The following ARHGAP15 variants were observed in gnomAD, a reference collection of about 807,000 sequenced individuals.
ARHGAP15 encodes the protein Rho GTPase activating protein 15.
Under a neutral mutation model 63.7 loss-of-function variants are expected in ARHGAP15, and 51 were observed. The ratio of observed to expected loss-of-function variants is 0.80; its 90% confidence interval spans 0.64 to 1.01. ARHGAP15 has a LOEUF of 1.01. ARHGAP15 is among the 50% of genes least tolerant of loss of function. The pLI, the probability that ARHGAP15 is intolerant of heterozygous loss-of-function variation, is 0.00. For synonymous variants in ARHGAP15, 191 were observed against 193.8 expected, an observed-to-expected ratio of 0.99 and a Z score of 0.12; for missense variants, 560 against 564.6, an observed-to-expected ratio of 0.99 and a Z score of 0.08.
At chr2:143,265,240 A>G (rs919647418) in intron 6 of ARHGAP15, among the ~76,000 whole-genome samples, 2 of 150,892 alleles carry the variant, frequency 1.3e-5, no homozygotes, top group Non-Finnish European at 3.0e-5. Context: ...TTTTTTTAAT[A>G]GAACGACCCA....
chr2:143,762,609 C>G (rs1416362690), intron 13 of ARHGAP15, among the ~76,000 whole-genome samples: 1 of 152,122 alleles, frequency 6.6e-6, no homozygotes, highest in Non-Finnish European at 1.5e-5. Flanking sequence ...AACAGCATTT[C>G]TTCATATACA....
chr2:143,159,673 T>C lies in ARHGAP15; in HGVS notation c.165+4018T>C, dbSNP rs1270123180. On this transcript the variant is annotated intron_variant, in intron 2 of 13. Coordinates refer to ENST00000295095, the MANE Select transcript of ARHGAP15 (RefSeq NM_018460.4). ...GTGAAAACCATTGATCAGGCAGGCA[T>C]GTGTAACAGTAACACTTTGCATTTA... Among the ~76,000 whole-genome samples, 4 of 152,082 alleles carry C rather than the reference T, an allele frequency of 2.6e-5. No homozygotes were observed. The East Asian group carries it at 7.8e-4, about 30-fold the overall frequency.
At chr2:143,375,555 A>T (rs1686770122) in intron 6 of ARHGAP15, among the ~76,000 whole-genome samples, 1 of 152,236 alleles carries the variant, frequency 6.6e-6, no homozygotes, top group South Asian at 2.1e-4. Flanking sequence ...ACTAGGTGTT[A>T]GAACAACAGT....
At chr2:143,417,831 T>A (rs1157011369) in intron 6 of ARHGAP15, among the ~76,000 whole-genome samples, 1 of 152,218 alleles carries the variant, frequency 6.6e-6, no homozygotes. Context: ...GAGAATGCCA[T>A]ATGATATATC....
chr2:143,441,184 A>G (rs1254724837), intron 8 of ARHGAP15, among the ~76,000 whole-genome samples: 2 of 152,094 alleles, frequency 1.3e-5, no homozygotes, highest in East Asian at 3.9e-4. Context: ...AGACTGGAGC[A>G]GGGCATATAA....
intron 1 of ARHGAP15, among the ~76,000 whole-genome samples, chr2:143,136,035 C>G (rs1246417335): frequency 6.6e-6 from 1 of 152,122 alleles, no homozygotes; most frequent in Non-Finnish European, 1.5e-5. Context: ...AAGCAAATCT[C>G]CTAATTACTG....
chr2:143,272,646 C>T lies in ARHGAP15; in HGVS notation c.474+22046C>T, dbSNP rs61034179. Among the ~76,000 whole-genome samples the T allele has an allele frequency of 3.1e-3, 478 of 151,836 alleles. 5 individuals carry two copies. The highest frequency in any genetic ancestry group is 0.011 in the African/African-American group (449 of 41,426). ...CCAGCCTGGCAACAGAATGAGACTG[C>T]GTCGCAAAAAAAATAAAAAAATTCT... On this transcript the variant is annotated intron_variant, in intron 6 of 13. Coordinates refer to ENST00000295095, the MANE Select transcript of ARHGAP15 (RefSeq NM_018460.4).
intron 2 of ARHGAP15, among the ~76,000 whole-genome samples, chr2:143,166,434 C>T: frequency 6.6e-6 from 1 of 152,026 alleles, no homozygotes; most frequent in East Asian, 1.9e-4. Flanking sequence ...TTTTTATTGG[C>T]ACTAACAGTA....
intron 11 of ARHGAP15, among the ~76,000 whole-genome samples, chr2:143,596,618 G>A (rs1177711687): frequency 6.6e-6 from 1 of 152,042 alleles, no homozygotes; most frequent in East Asian, 1.9e-4. Flanking sequence ...CTGAAAGTAA[G>A]TTATTTATAT....
intron 12 of ARHGAP15, among the ~76,000 whole-genome samples, chr2:143,665,700 G>A (rs1374683912): frequency 6.8e-6 from 1 of 146,886 alleles, no homozygotes; most frequent in Admixed American, 6.8e-5. Flanking sequence ...TCCTTAAGCT[G>A]ATAAGCAACT....
chr2:143,436,025 C>T (rs1689598532), intron 7 of ARHGAP15, among the ~76,000 whole-genome samples: 1 of 151,794 alleles, frequency 6.6e-6, no homozygotes, highest in Admixed American at 6.6e-5. Context: ...TTATGCAGTC[C>T]ATACTACATA....
intron 13 of ARHGAP15, among the ~76,000 whole-genome samples, chr2:143,722,082 CTTTAG>C (rs1183243088): frequency 2.0e-5 from 3 of 152,044 alleles, no homozygotes; most frequent in African/African-American, 4.8e-5. Flanking sequence ...AATTTGTATT[CTTTAG>C]TTATTTCCTC....
chr2:143,259,982 G>T (rs535813851), intron 6 of ARHGAP15, among the ~76,000 whole-genome samples: 30 of 152,090 alleles, frequency 2.0e-4, no homozygotes, highest in Non-Finnish European at 4.4e-5. Context: ...TCCCTCATTT[G>T]GATCTAAGCA....
intron 1 of ARHGAP15, among the ~76,000 whole-genome samples, chr2:143,139,938 G>A (rs1197269871): frequency 1.3e-5 from 2 of 152,098 alleles, no homozygotes; most frequent in Non-Finnish European, 2.9e-5. Context: ...GTAAAATGGT[G>A]AGTTTCCTCC....
intron 8 of ARHGAP15, among the ~76,000 whole-genome samples, chr2:143,453,729 G>C (rs1444699477): frequency 1.3e-5 from 2 of 150,630 alleles, no homozygotes; most frequent in Non-Finnish European, 3.0e-5. Context: ...TAAAAGTCTT[G>C]ATTCACTATT....
chr2:143,737,428 G>A (rs1286956139), intron 13 of ARHGAP15, among the ~76,000 whole-genome samples: 1 of 152,076 alleles, frequency 6.6e-6, no homozygotes, highest in Non-Finnish European at 1.5e-5. Flanking sequence ...ACCATGTATT[G>A]GGCAGAGAAA....
rs549002156 is a variant in ARHGAP15 at position 143,695,278 on chromosome 2, C to T, written c.1139-8141C>T. 1.2e-3 allele frequency among the ~76,000 whole-genome samples: 179 copies of T among 152,232 alleles called. 1 individual carries two copies. The highest frequency in any genetic ancestry group is 2.2e-3 in the Non-Finnish European group (151 of 68,006). On this transcript the variant is annotated intron_variant, in intron 12 of 13. Coordinates refer to ENST00000295095, the MANE Select transcript of ARHGAP15 (RefSeq NM_018460.4). ...GCTTTATTTTCTCAGCACAGACTATCGCCTAAGGATGAATTAGTATCTTTG... is the reference window on the plus strand; with the variant it reads ...GCTTTATTTTCTCAGCACAGACTATTGCCTAAGGATGAATTAGTATCTTTG...
rs867334411 is a variant in ARHGAP15, at chr2:143,672,971, A to T, written c.1139-30448A>T. Among the ~76,000 whole-genome samples the T allele has an allele frequency of 2.6e-5, 4 of 152,114 alleles. No individual in the cohort carries two copies. The South Asian group carries it at 8.3e-4, about 32-fold the overall frequency. On this transcript the variant is annotated intron_variant, in intron 12 of 13. Transcript: ENST00000295095. ...TGTCTGCTAATAAACTTTCCCTCCT[A>T]TTCTAAAGAGCTATGAAATTGGACA...
At chr2:143,695,863 C>CAAA (rs57881769) in intron 12 of ARHGAP15, among the ~76,000 whole-genome samples, 1 of 135,126 alleles carries the variant, frequency 7.4e-6, no homozygotes, top group Non-Finnish European at 1.6e-5. Flanking sequence ...CCTTGTCTAC[C>CAAA]AAAAAAAAAA....
Sources: gnomAD v4.1 joint callset for allele counts (sites outside exome capture counted in the v4.1 genomes callset) on GRCh38, gnomAD v4.1.1 for gene constraint, MANE v1.5 for transcripts, NCBI Gene and HGNC (gene_info 2026-07-23, HGNC 2026-07-21) for gene names.